Variants in RYK observed in about 807,000 individuals in gnomAD.
The protein encoded by RYK is inactive tyrosine-protein kinase RYK.
In RYK, 21 loss-of-function variants were observed where a neutral mutation model predicts 70.2. That is an observed-to-expected ratio of 0.30 (90% confidence interval 0.21 to 0.43). The LOEUF is 0.43. Among genes scored for constraint, RYK ranks in the 20% least tolerant of loss-of-function variants. The pLI is 1.00. For synonymous variants in RYK, 267 were observed against 278.0 expected, an observed-to-expected ratio of 0.96 and a Z score of 0.39; for missense variants, 604 against 753.3, an observed-to-expected ratio of 0.80 and a Z score of 2.32.
chr3:134,248,249 A>AGGGG (rs2107700724), intron 1 of RYK, among the ~76,000 whole-genome samples: 1 of 152,268 alleles, frequency 6.6e-6, no homozygotes, highest in East Asian at 1.9e-4. Context: ...GGGATAGACA[A>AGGGG]GGGAGTTAAT....
chr3:134,162,828 A>G (rs2012523129), intron 13 of RYK, among the ~76,000 whole-genome samples: 1 of 152,212 alleles, frequency 6.6e-6, no homozygotes, highest in South Asian at 2.1e-4. Context: ...ACTGGTCGGA[A>G]GGGTGCTCCC....
At chr3:134,167,766 T>G (rs1426342934) in intron 13 of RYK, among the ~76,000 whole-genome samples, 1 of 152,012 alleles carries the variant, frequency 6.6e-6, no homozygotes, top group Non-Finnish European at 1.5e-5. Context: ...AAGCCAAAAT[T>G]GACAAATGGG....
chr3:134,211,475 A>C (rs374277614), intron 3 of RYK, 33 bp downstream of exon 3: 13 of 1,497,226 alleles, frequency 8.7e-6, no homozygotes, highest in Non-Finnish European at 1.2e-5. Flanking sequence ...TTGAAAAAGT[A>C]TGTTAACTCT....
chr3:134,191,357 A>G (rs1212879899), intron 8 of RYK, among the ~76,000 whole-genome samples: 1 of 152,198 alleles, frequency 6.6e-6, no homozygotes, highest in Non-Finnish European at 1.5e-5. Context: ...AAGAGATGAC[A>G]ACGCAGTCCA....
At chr3:134,249,916 C>CTTTTTTTTTT (rs1559770716) in intron 1 of RYK, among the ~76,000 whole-genome samples, 1 of 86,594 alleles carries the variant, frequency 1.2e-5, no homozygotes, top group African/African-American at 8.1e-5. Flanking sequence ...CTTTCTCTCT[C>CTTTTTTTTTT]GTTTTTTTTT....
At position 134,226,943 on chromosome 3, in the gene RYK, C is replaced by A. The variant is rs191947954; in HGVS notation, c.233-4404G>T. Among the ~76,000 whole-genome samples, 241 of 152,070 alleles carry A rather than the reference C, an allele frequency of 1.6e-3. 2 individuals are homozygous for A. The highest frequency in any genetic ancestry group is 3.4e-3 in the Middle Eastern group (1 of 294). On this transcript the variant is annotated intron_variant, in intron 1 of 14. Transcript: ENST00000623711. The stretch of plus-strand genomic sequence containing the variant: ...CCACAACTTCCATTCAACCTTGTAC[C>A]GGAGGTCCTAGCCAATGTATTAAGA...
chr3:134,220,684 A>G (rs950949859), intron 2 of RYK, among the ~76,000 whole-genome samples: 1 of 152,206 alleles, frequency 6.6e-6, no homozygotes, highest in Non-Finnish European at 1.5e-5. Flanking sequence ...ATATGTACAT[A>G]TACACACACA....
chr3:134,202,543 T>C, intron 6 of RYK, 187 bp downstream of exon 6: 1 of 523,710 alleles, frequency 1.9e-6, no homozygotes, highest in East Asian at 3.5e-5. Context: ...ACTTCTTAAT[T>C]TTTAAAAAAT....
chr3:134,187,271 A>G (rs1160542341), intron 9 of RYK, among the ~76,000 whole-genome samples: 1 of 152,244 alleles, frequency 6.6e-6, no homozygotes, highest in African/African-American at 2.4e-5. Flanking sequence ...TACAACCAAT[A>G]AACATAAACC....
rs79912511 is a variant in RYK at position 134,250,204 on chromosome 3, G to A, written c.232+219C>T. On this transcript the variant is annotated intron_variant, in intron 1 of 14. Coordinates refer to ENST00000623711, the MANE Select transcript of RYK (RefSeq NM_002958.4). ...TCTGGGTCTATCGCGGCGGGGCAGC[G>A]AGGGCGGCACGAAGGCTGACCCAGA... is the stretch of plus-strand genomic sequence containing the variant. Among the ~76,000 whole-genome samples, 453 of 152,148 alleles carry A rather than the reference G, an allele frequency of 3.0e-3. 3 individuals carry two copies. Among genetic ancestry groups the A allele is most frequent in the African/African-American group, 9.9e-3 (411 of 41,504 alleles).
At chr3:134,225,940 G>A (rs2014896709) in intron 1 of RYK, among the ~76,000 whole-genome samples, 1 of 151,202 alleles carries the variant, frequency 6.6e-6, no homozygotes, top group Admixed American at 6.6e-5. Context: ...TATAATTATG[G>A]GACATGAAAA....
intron 2 of RYK, among the ~76,000 whole-genome samples, chr3:134,211,857 C>T (rs1006034993): frequency 3.9e-5 from 6 of 152,208 alleles, no homozygotes; most frequent in Admixed American, 1.3e-4. Context: ...AACCTGCCAT[C>T]TAGGGTCAGA....
In RYK at chr3:134,178,060, T is replaced by C. The variant is rs898114072; in HGVS notation, c.1186A>G (p.Ile396Val). 12 of 1,570,838 alleles carry C rather than the reference T, an allele frequency of 7.6e-6. No individual in the cohort carries two copies. The highest frequency in any genetic ancestry group is 2.8e-5 in the African/African-American group (2 of 72,640). ...CCTTCTTCTATACACACATGAGTAA[T>C]AGGAAGAAGATTTCTATAAAATAAT... ...RGLHHRNLLP[I>V]THVCIEEGEK... The change falls in exon 11 of 15, where the codon ATT (isoleucine) becomes GTT (valine). Residue 396 changes from isoleucine to valine, a missense_variant. By Grantham distance (29) the Ile-to-Val change is conservative (BLOSUM62 3). Transcript: ENST00000623711.
chr3:134,225,245 G>A lies in RYK; in HGVS notation c.233-2706C>T, dbSNP rs147461109. 7.4e-3 allele frequency among the ~76,000 whole-genome samples: 1,134 copies of A among 152,218 alleles called. 19 individuals are homozygous for A. Among genetic ancestry groups the A allele is most frequent in the African/African-American group, 0.025 (1,038 of 41,536 alleles). On this transcript the variant is annotated intron_variant, in intron 1 of 14. Transcript: ENST00000623711. ...AATTTAAATTTGCCTTTTTTCTTAC[G>A]TCTGGGTCTTAGTCTAGTCTAGATA...
Position 134,180,928 on chromosome 3 carries a change from G to C in RYK, c.1172+2074C>G, listed in dbSNP as rs943250639. 1.1e-4 allele frequency: 16 copies of C among 152,144 alleles called. 1 individual carries two copies. 9.4% of individuals were successfully genotyped at this position (152,144 alleles called of 1,614,324 possible). A position where few individuals can be genotyped will look rare whatever the true frequency, so the allele number is the denominator to read the frequency against. On this transcript the variant is annotated intron_variant, in intron 10 of 14. Coordinates refer to ENST00000623711, the MANE Select transcript of RYK (RefSeq NM_002958.4). ...TATGTAATGTCATTCAATTCCCTAAGGACCTCCTGAGACTGCTAATTCATC... is the reference window on the plus strand; with the variant it reads ...TATGTAATGTCATTCAATTCCCTAACGACCTCCTGAGACTGCTAATTCATC...
At chr3:134,236,167 G>A (rs1576535944) in intron 1 of RYK, among the ~76,000 whole-genome samples, 1 of 152,034 alleles carries the variant, frequency 6.6e-6, no homozygotes, top group African/African-American at 2.4e-5. Context: ...GAGGTCTGGT[G>A]ACTCCAACAA....
intron 13 of RYK, among the ~76,000 whole-genome samples, chr3:134,162,409 T>A (rs2012509469): frequency 6.6e-6 from 1 of 151,970 alleles, no homozygotes; most frequent in African/African-American, 2.4e-5. Context: ...ATCTTTTTCA[T>A]TAACAGTGAT....
At chr3:134,231,883 A>G (rs2015066402) in intron 1 of RYK, among the ~76,000 whole-genome samples, 1 of 152,130 alleles carries the variant, frequency 6.6e-6, no homozygotes, top group Admixed American at 6.5e-5. Context: ...GGACCAGTTT[A>G]TACAAGTTCT....
intron 13 of RYK, among the ~76,000 whole-genome samples, chr3:134,163,385 G>A (rs539331503): frequency 6.6e-6 from 1 of 152,276 alleles, no homozygotes; most frequent in Non-Finnish European, 1.5e-5. Flanking sequence ...CGGTGGAAAG[G>A]GGGCAATAAG....
Sources: gnomAD v4.1 joint callset for allele counts (sites outside exome capture counted in the v4.1 genomes callset) on GRCh38, gnomAD v4.1.1 for gene constraint, MANE v1.5 for transcripts, NCBI Gene and HGNC (gene_info 2026-07-23, HGNC 2026-07-21) for gene names.